Variants in SLC22A6 observed in about 807,000 individuals in gnomAD.
The protein encoded by SLC22A6 is solute carrier family 22 member 6.
A neutral mutation model predicts 56.7 loss-of-function variants in SLC22A6; 45 were observed. The ratio of observed to expected loss-of-function variants is 0.79; its 90% CI spans 0.63 to 1.02. SLC22A6 has a LOEUF of 1.02. Ranked by LOEUF, SLC22A6 falls within the 50% of genes least tolerant of loss-of-function variation. The probability of loss-of-function intolerance (pLI) is 0.00; values close to 1 mark genes in which losing one functional copy is unlikely to be tolerated. For synonymous variants in SLC22A6, 291 were observed against 295.9 expected, an observed-to-expected ratio of 0.98 and a Z score of 0.17; for missense variants, 606 against 713.8, an observed-to-expected ratio of 0.85 and a Z score of 1.72.
rs2086281588 is a variant in SLC22A6 at position 62,983,654 on chromosome 11, G to A, written c.511C>T (p.Gln171Ter). 1 of 1,612,830 alleles carries A rather than the reference G, an allele frequency of 6.2e-7. No individual in the cohort carries two copies. The highest frequency in any genetic ancestry group is 8.5e-7 in the Non-Finnish European group (1 of 1,179,618). Reference protein sequence around the residue: ...RRKVLILNYLQTAVSGTCAAF... With the variant: ...RRKVLILNYL ...GCGCAGGTCCCTGACACAGCTGTCT[G>A]CAGGTAGTTCAAGATGAGTACCTTC... Residue 171 changes from glutamine to a stop codon, truncating the protein, a stop_gained, in exon 3 of 10, where the codon CAG becomes TAG. Coordinates refer to ENST00000360421, the MANE Select transcript of SLC22A6 (RefSeq NM_153276.3). LOFTEE classifies it high-confidence loss of function. This position sits in a 1 kb window ranked among gnomAD's most constrained non-coding sequence, Gnocchi z 4.5.
rs1473817554 is a variant in SLC22A6, at chr11:62,976,671, C to G, written c.*123G>C. On this transcript the variant is annotated 3_prime_UTR_variant, in exon 10 of 10. Coordinates refer to ENST00000360421, the MANE Select transcript of SLC22A6 (RefSeq NM_153276.3). ...AGGGAGGTGGACCCCTGGGAAGATGCTTTCCTGAACCACAACCCCCACACT... is the reference window on the plus strand; with the variant it reads ...AGGGAGGTGGACCCCTGGGAAGATGGTTTCCTGAACCACAACCCCCACACT... 1.3e-6 allele frequency: 1 copy of G among 756,190 alleles called. No homozygotes were observed. The highest frequency in any genetic ancestry group is 2.8e-5 in the Admixed American group (1 of 36,250). 46.8% of individuals were successfully genotyped at this position (756,190 alleles called of 1,614,324 possible). A position where few individuals can be genotyped will look rare whatever the true frequency, so the allele number is the denominator to read the frequency against.
At position 62,976,664 on chromosome 11, in the gene SLC22A6, G is replaced by GA; in HGVS notation, c.*129dup. Reference sequence around the variant, plus strand: ...TTTATAAAGGGAGGTGGACCCCTGGGAAGATGCTTTCCTGAACCACAACCC... The same window carrying GA: ...TTTATAAAGGGAGGTGGACCCCTGGGAAAGATGCTTTCCTGAACCACAACCC... On this transcript the variant is annotated 3_prime_UTR_variant, in exon 10 of 10. Coordinates refer to ENST00000360421, the MANE Select transcript of SLC22A6 (RefSeq NM_153276.3). The GA allele has an allele frequency of 1.4e-6, 1 of 695,456 alleles. No individual in the cohort carries two copies. The highest frequency in any genetic ancestry group is 2.5e-4 in the Middle Eastern group (1 of 4,022). The allele number at this position is 695,456 out of a possible 1,614,324, so 43.1% of individuals were successfully genotyped here. A position where few individuals can be genotyped will look rare whatever the true frequency, so the allele number is the denominator to read the frequency against.
chr11:62,980,470 T>C (rs1240850257), intron 6 of SLC22A6, among the ~76,000 whole-genome samples: 1 of 152,240 alleles, frequency 6.6e-6, no homozygotes, highest in Non-Finnish European at 1.5e-5. Flanking sequence ...GATTGTTCCT[T>C]CTGACTATGT....
chr11:62,982,046 C>G, intron 3 of SLC22A6, 36 bp from the exon 4 acceptor site: 1 of 1,586,634 alleles, frequency 6.3e-7, no homozygotes, highest in Non-Finnish European at 8.6e-7. Flanking sequence ...CTGCAACTAC[C>G]TGGGCTGCTG....
chr11:62,983,665 AAGATGAGTACCTTC>A lies in SLC22A6; in HGVS notation c.486_499del (p.Lys163GlufsTer103). 1.2e-6 allele frequency: 2 copies of A among 1,612,542 alleles called. No individual in the cohort carries two copies. Among genetic ancestry groups the A allele is most frequent in the Non-Finnish European group, 1.7e-6 (2 of 1,179,524 alleles). On this transcript the variant is annotated frameshift_variant, in exon 3 of 10. Transcript: ENST00000360421. LOFTEE classifies it high-confidence loss of function. This position sits in a 1 kb window ranked among gnomAD's most constrained non-coding sequence, Gnocchi z 4.5. Reference sequence around the variant, plus strand: ...TGACACAGCTGTCTGCAGGTAGTTCAAGATGAGTACCTTCCGGCGGCCTAGCCTGTGGGAGGAGG... The same window carrying A: ...TGACACAGCTGTCTGCAGGTAGTTCACGGCGGCCTAGCCTGTGGGAGGAGG...
Position 62,983,854 on chromosome 11 carries a change from G to A in SLC22A6, c.473+90C>T. The stretch of plus-strand genomic sequence containing the variant: ...TAGATCCTCAAACCAGCGCCGGCTG[G>A]CAATGCCAAGCTCCCACCTAGACAC... On this transcript the variant is annotated intron_variant, in intron 2 of 9. Transcript: ENST00000360421. This position sits in a 1 kb window ranked among gnomAD's most constrained non-coding sequence, Gnocchi z 4.5. 8.3e-7 allele frequency: 1 copy of A among 1,198,866 alleles called. No individual in the cohort carries two copies. Among genetic ancestry groups the A allele is most frequent in the Non-Finnish European group, 1.2e-6 (1 of 848,836 alleles). The allele number at this position is 1,198,866 out of a possible 1,614,324, so 74.3% of individuals were successfully genotyped here.
chr11:62,979,722 G>A lies in SLC22A6; in HGVS notation c.1252+12C>T, dbSNP rs11568620. 228 of 1,612,346 alleles carry A rather than the reference G, an allele frequency of 1.4e-4. No homozygotes were observed. The African/African-American group carries it at 2.5e-3, about 18-fold the overall frequency. ...CTGAGGAGAAGGGGCCAAGGTGCTC[G>A]TGGGTGCTCACCCTGGGGTATCACC... On this transcript the variant is annotated intron_variant, in intron 7 of 9. Transcript: ENST00000360421.
At position 62,981,619 on chromosome 11, in the gene SLC22A6, A is replaced by G. The variant is rs562862743; in HGVS notation, c.797+223T>C. ...TGCGGGTAGGGGGAGCAGAGCAGGC[A>G]GGCTGGAGAACGGAGTGGGGGAAGC... On this transcript the variant is annotated intron_variant, in intron 4 of 9. Transcript: ENST00000360421. 2.6e-5 allele frequency among the ~76,000 whole-genome samples: 4 copies of G among 152,324 alleles called. No homozygotes were observed. In the East Asian group the frequency reaches 7.7e-4, roughly 29 times the overall value.
In SLC22A6 at chr11:62,983,430, G is replaced by C; in HGVS notation, c.628+107C>G. 2 of 1,158,482 alleles carry C rather than the reference G, an allele frequency of 1.7e-6. No homozygotes were observed. Among genetic ancestry groups the C allele is most frequent in the South Asian group, 2.7e-5 (2 of 73,992 alleles). 71.8% of individuals were successfully genotyped at this position (1,158,482 alleles called of 1,614,324 possible). On this transcript the variant is annotated intron_variant, in intron 3 of 9. Coordinates refer to ENST00000360421, the MANE Select transcript of SLC22A6 (RefSeq NM_153276.3). The surrounding 1 kb of genome is among the most constrained non-coding windows in gnomAD (Gnocchi z 4.5). ...TGGCAGGAAGGTGAGACCCGAGAGA[G>C]GCTGGAGGGCAGGCAGGGCTCAGGA...
At position 62,984,440 on chromosome 11, in the gene SLC22A6, G is replaced by A. The variant is rs760859177; in HGVS notation, c.251C>T (p.Pro84Leu). Residue 84 changes from proline to leucine, a missense_variant, in exon 1 of 10, where the codon CCG becomes CTG. Physicochemically the swap from Pro to Leu is moderately conservative, Grantham distance 98. Transcript: ENST00000360421. ...ATTGAGAAAGGGCAGTCCCCACTGC[G>A]GGGAGGTGAAGCGGAGGCAGGACTC... is the stretch of plus-strand genomic sequence containing the variant. ...QPESCLRFTSPQWGLPFLNGT... is the reference protein window; with the variant it reads ...QPESCLRFTSLQWGLPFLNGT... 4.3e-6 allele frequency: 7 copies of A among 1,613,744 alleles called. No individual in the cohort carries two copies. Among genetic ancestry groups the A allele is most frequent in the East Asian group, 4.5e-5 (2 of 44,866 alleles).
chr11:62,983,476 G>C lies in SLC22A6; in HGVS notation c.628+61C>G. The C allele has an allele frequency of 6.6e-7, 1 of 1,525,886 alleles. No homozygotes were observed. The highest frequency in any genetic ancestry group is 8.9e-7 in the Non-Finnish European group (1 of 1,128,660). The allele number at this position is 1,525,886 out of a possible 1,614,324, so 94.5% of individuals were successfully genotyped here. Reference sequence around the variant, plus strand: ...CAGGAGGGGCAGGCTGGGAGGGGAGGCTGGAAAGGGGTTGCTGGGCTGGGT... The same window carrying C: ...CAGGAGGGGCAGGCTGGGAGGGGAGCCTGGAAAGGGGTTGCTGGGCTGGGT... On this transcript the variant is annotated intron_variant, in intron 3 of 9. Transcript: ENST00000360421. The surrounding 1 kb of genome is among the most constrained non-coding windows in gnomAD (Gnocchi z 4.5).
intron 8 of SLC22A6, 152 bp downstream of exon 8, chr11:62,979,336 C>T (rs531150290): frequency 1.6e-6 from 1 of 644,368 alleles, no homozygotes. Flanking sequence ...GAGGTGTGTA[C>T]TCAGTGGCTA....
In SLC22A6 at chr11:62,983,515, T is replaced by C. The variant is rs1210890746; in HGVS notation, c.628+22A>G. ...GCTGGGCTGGGTGGCCGGAGGGGAG[T>C]GGGCTGGTAAGAATCTCTCACTCAG... On this transcript the variant is annotated intron_variant, in intron 3 of 9. Coordinates refer to ENST00000360421, the MANE Select transcript of SLC22A6 (RefSeq NM_153276.3). This position sits in a 1 kb window ranked among gnomAD's most constrained non-coding sequence, Gnocchi z 4.5. 2 of 1,548,182 alleles carry C rather than the reference T, an allele frequency of 1.3e-6. No individual in the cohort carries two copies. Among genetic ancestry groups the C allele is most frequent in the African/African-American group, 1.4e-5 (1 of 72,342 alleles).
intron 6 of SLC22A6, among the ~76,000 whole-genome samples, 189 bp from the exon 7 acceptor site, chr11:62,980,137 C>A (rs1281839403): frequency 6.6e-6 from 1 of 152,166 alleles, no homozygotes; most frequent in Non-Finnish European, 1.5e-5. Flanking sequence ...CTGTAATACT[C>A]CAAATTTGCC....
rs781619071 is a variant in SLC22A6, at chr11:62,984,532, G to A, written c.159C>T (p.Ala53=). The A allele has an allele frequency of 1.9e-5, 30 of 1,613,728 alleles. No homozygotes were observed. Among genetic ancestry groups the A allele is most frequent in the South Asian group, 1.3e-4 (12 of 91,086 alleles). ...CCCCGTTCTTGCTGAGGTTGGCATC[G>A]GCAGGCGGGCGGCAGTGGTGGGTAG... The part of the protein sequence containing the change: ...AIPTHHCRPP[A]DANLSKNGGL... The change falls in exon 1 of 10, where the codon GCC becomes GCT. Residue 53 remains alanine, a synonymous_variant. Coordinates refer to ENST00000360421, the MANE Select transcript of SLC22A6 (RefSeq NM_153276.3).
chr11:62,984,274 C>G, intron 1 of SLC22A6, 48 bp downstream of exon 1: 1 of 1,575,428 alleles, frequency 6.3e-7, no homozygotes, highest in Non-Finnish European at 8.6e-7. Flanking sequence ...TAACAAAGGC[C>G]CCCATCTTCC....
chr11:62,981,455 G>A, intron 4 of SLC22A6, 72 bp from the exon 5 acceptor site: 3 of 842,312 alleles, frequency 3.6e-6, no homozygotes, highest in Non-Finnish European at 5.5e-6. Flanking sequence ...GCTGGGGCTG[G>A]GCTTTCTAGG....
Position 62,981,094 on chromosome 11 carries a change from G to T in SLC22A6, c.928C>A (p.Arg310=), listed in dbSNP as rs376711110. 2.2e-5 allele frequency: 35 copies of T among 1,611,396 alleles called. No individual in the cohort carries two copies. The highest frequency in any genetic ancestry group is 3.0e-5 in the Non-Finnish European group (35 of 1,178,308). The change falls in exon 6 of 10, where the codon CGG becomes AGG. Residue 310 remains arginine, a synonymous_variant. Transcript: ENST00000360421. ...EGAKLSMEVL[R]ASLQKELTMG... ...GTCAGCTCCTTCTGCAGACTGGCCC[G>T]GAGTACCTGCTGGGACCGGCAGAGC...
chr11:62,983,619 T>C lies in SLC22A6; in HGVS notation c.546A>G (p.Ala182=). The C allele has an allele frequency of 6.2e-7, 1 of 1,607,860 alleles. No individual in the cohort carries two copies. The highest frequency in any genetic ancestry group is 8.5e-7 in the Non-Finnish European group (1 of 1,177,398). ...AGGCGCAGTAGATGGGGAAGTTGGGTGCGAAGGCTGCGCAGGTCCCTGACA... is the reference window on the plus strand; with the variant it reads ...AGGCGCAGTAGATGGGGAAGTTGGGCGCGAAGGCTGCGCAGGTCCCTGACA... ...TAVSGTCAAF[A]PNFPIYCAFR... The change falls in exon 3 of 10, where the codon GCA becomes GCG. Residue 182 remains alanine (A), a synonymous_variant. Coordinates refer to ENST00000360421, the MANE Select transcript of SLC22A6 (RefSeq NM_153276.3). The surrounding 1 kb of genome is among the most constrained non-coding windows in gnomAD (Gnocchi z 4.5).
Sources: gnomAD v4.1 joint callset for allele counts (sites outside exome capture counted in the v4.1 genomes callset) on GRCh38, gnomAD v4.1.1 for gene constraint, Gnocchi (gnomAD v3.1) non-coding constraint, MANE v1.5 for transcripts, NCBI Gene and HGNC (gene_info 2026-07-23, HGNC 2026-07-21) for gene names.